The following PCDHGB1 variants were observed in gnomAD, a reference collection of about 807,000 sequenced individuals.
PCDHGB1 encodes protocadherin gamma-B1.
PCDHGB1 carries 34 observed loss-of-function variants against 56.6 expected under a neutral mutation model. That is an observed-to-expected ratio of 0.60 (90% CI 0.46 to 0.80). PCDHGB1 has a LOEUF of 0.80. PCDHGB1 is among the 30% of genes least tolerant of loss of function. PCDHGB1 has a pLI of 0.00. For synonymous variants in PCDHGB1, 561 were observed against 505.9 expected, an observed-to-expected ratio of 1.11 and a Z score of -1.46; for missense variants, 1,278 against 1,204.6, an observed-to-expected ratio of 1.06 and a Z score of -0.90.
chr5:141,372,798 A>T (rs900906773), intron 1 of PCDHGB1: 2 of 1,597,288 alleles, frequency 1.3e-6, no homozygotes, highest in Non-Finnish European at 1.7e-6. Flanking sequence ...TAATTCAGGC[A>T]ATTTGCAAAA....
At chr5:141,441,725 C>T (rs2098268012) in intron 1 of PCDHGB1, 3 of 352,332 alleles carry the variant, frequency 8.5e-6, no homozygotes. Flanking sequence ...AGGCCCGCGA[C>T]CAGGACTAGC....
intron 1 of PCDHGB1, chr5:141,419,864 C>A (rs1282571542): frequency 6.2e-7 from 1 of 1,613,966 alleles, no homozygotes; most frequent in Non-Finnish European, 8.5e-7. Context: ...AGATAGCTTG[C>A]AAGAGGTACT....
intron 1 of PCDHGB1, chr5:141,389,146 C>A (rs567517174): frequency 3.7e-6 from 6 of 1,614,000 alleles, no homozygotes; most frequent in South Asian, 3.3e-5. Flanking sequence ...ATAACCGTTA[C>A]GGCAACAGAT....
In PCDHGB1 at chr5:141,361,444, A is replaced by G. The variant is rs750659023; in HGVS notation, c.2409+8775A>G. 4.3e-6 allele frequency: 7 copies of G among 1,613,988 alleles called. No individual in the cohort carries two copies. The Admixed American group carries it at 1.0e-4, about 23-fold the overall frequency. ...CAAGCCGCCCCTCTCCTCCAGCATA[A>G]TTGTCACCCTGCACATCTCCGACGT... On this transcript the variant is annotated intron_variant, in intron 1 of 3. Transcript: ENST00000523390.
chr5:141,355,169 C>A (rs753158485), intron 1 of PCDHGB1: 1 of 1,568,854 alleles, frequency 6.4e-7, no homozygotes, highest in Non-Finnish European at 8.6e-7. Flanking sequence ...GAGGGAAAAC[C>A]GAAGCACAGG....
At chr5:141,422,898 C>CTCTG (rs747261683) in intron 1 of PCDHGB1, 4 of 1,614,250 alleles carry the variant, frequency 2.5e-6, no homozygotes, top group Non-Finnish European at 3.4e-6. Flanking sequence ...TGGACCAGAA[C>CTCTG]GACAATGCGC....
chr5:141,495,973 A>T, intron 2 of PCDHGB1, among the ~76,000 whole-genome samples: 1 of 146,986 alleles, frequency 6.8e-6, no homozygotes, highest in Admixed American at 6.8e-5. Flanking sequence ...TTTCTCTGTT[A>T]CTCTTTCTTT....
rs201022484 is a variant in PCDHGB1, at chr5:141,376,043, C to T, written c.2409+23374C>T. On this transcript the variant is annotated intron_variant, in intron 1 of 3. Coordinates refer to ENST00000523390, the MANE Select transcript of PCDHGB1 (RefSeq NM_018922.3). ...CGTCCAGGACCACGGCCAGCCCCCTCTCTCCGCCACTGTCACGCTCACCGT... is the reference window on the plus strand; with the variant it reads ...CGTCCAGGACCACGGCCAGCCCCCTTTCTCCGCCACTGTCACGCTCACCGT... 7.1e-4 allele frequency: 1,140 copies of T among 1,613,172 alleles called. 2 individuals carry two copies. Among genetic ancestry groups the T allele is most frequent in the Non-Finnish European group, 8.8e-4 (1,041 of 1,179,846 alleles).
intron 1 of PCDHGB1, chr5:141,404,984 C>T (rs779919758): frequency 6.2e-7 from 1 of 1,614,034 alleles, no homozygotes; most frequent in African/African-American, 1.3e-5. Context: ...CCTGGGCAGT[C>T]TTCAGATCCC....
At position 141,485,939 on chromosome 5, in the gene PCDHGB1, C is replaced by A; in HGVS notation, c.2410-8868C>A. ...CAGGATTAGTGTGTTGGAGAGCGCA[C>A]CAGCGGGCATGGTGCTCATCCAGCT... On this transcript the variant is annotated intron_variant, in intron 1 of 3. Transcript: ENST00000523390. This position sits in a 1 kb window ranked among gnomAD's most constrained non-coding sequence, Gnocchi z 5.7. 1 of 1,614,140 alleles carries A rather than the reference C, an allele frequency of 6.2e-7. No homozygotes were observed. The highest frequency in any genetic ancestry group is 8.5e-7 in the Non-Finnish European group (1 of 1,180,030).
intron 1 of PCDHGB1, chr5:141,391,390 C>G (rs1268177633): frequency 6.6e-6 from 1 of 151,476 alleles, no homozygotes; most frequent in Non-Finnish European, 1.5e-5. Context: ...ATAGCTCCCT[C>G]CAGCCTCAAA....
At chr5:141,390,447 G>C (rs941574561) in intron 1 of PCDHGB1, 12 of 843,730 alleles carry the variant, frequency 1.4e-5, no homozygotes, top group Admixed American at 2.9e-5. Flanking sequence ...TACAAAGGAG[G>C]AGTAAAGTAG....
At position 141,505,489 on chromosome 5, in the gene PCDHGB1, G is replaced by A. The variant is rs759637750; in HGVS notation, c.2557+8G>A. On this transcript the variant is annotated splice_region_variant and intron_variant, in intron 3 of 3. Coordinates refer to ENST00000523390, the MANE Select transcript of PCDHGB1 (RefSeq NM_018922.3). ...TCTTGGCGTCCGCCAGTGGTAAGTG[G>A]TGTCAGTGTGTGTATGGAAGAGTGG... The A allele has an allele frequency of 6.2e-7, 1 of 1,614,218 alleles. No homozygotes were observed. The highest frequency in any genetic ancestry group is 1.7e-5 in the Admixed American group (1 of 60,032).
At chr5:141,505,305 C>T (rs1363643214) in intron 2 of PCDHGB1, 88 bp from the exon 3 acceptor site, 2 of 1,595,104 alleles carry the variant, frequency 1.3e-6, no homozygotes, top group Admixed American at 1.7e-5. Flanking sequence ...GGTTAGGGTA[C>T]TAGGTTTGGG....
Position 141,385,070 on chromosome 5 carries a change from T to C in PCDHGB1, c.2409+32401T>C, listed in dbSNP as rs766950021. 28 of 1,614,094 alleles carry C rather than the reference T, an allele frequency of 1.7e-5. No individual in the cohort carries two copies. In the South Asian group the frequency reaches 3.0e-4, roughly 17 times the overall value. ...CTGCGGCGCTGGCACAAGTCACGCC[T>C]GCTGCAGGCTTCAGAAGGTGGCTTG... On this transcript the variant is annotated intron_variant, in intron 1 of 3. Coordinates refer to ENST00000523390, the MANE Select transcript of PCDHGB1 (RefSeq NM_018922.3).
At chr5:141,404,063 G>A in intron 1 of PCDHGB1, 1 of 1,613,798 alleles carries the variant, frequency 6.2e-7, no homozygotes, top group Non-Finnish European at 8.5e-7. Context: ...TCTTTTCAAT[G>A]CTCATGACCG....
At chr5:141,498,248 G>A (rs1484987588) in intron 2 of PCDHGB1, among the ~76,000 whole-genome samples, 2 of 152,208 alleles carry the variant, frequency 1.3e-5, no homozygotes, top group Non-Finnish European at 2.9e-5. Flanking sequence ...CTTCAAAGCA[G>A]GGCTGGTGTT....
intron 1 of PCDHGB1, among the ~76,000 whole-genome samples, chr5:141,434,742 G>A (rs1177333213): frequency 6.6e-6 from 1 of 151,500 alleles, no homozygotes; most frequent in Non-Finnish European, 1.5e-5. Context: ...TGAAGGCTAT[G>A]AGACCCCTGA....
At chr5:141,414,148 G>C in intron 1 of PCDHGB1, 7 of 1,598,900 alleles carry the variant, frequency 4.4e-6, no homozygotes, top group Non-Finnish European at 6.0e-6. Flanking sequence ...AGAAATACAA[G>C]CAGAAGATGG....
Sources: gnomAD v4.1 joint callset for allele counts (sites outside exome capture counted in the v4.1 genomes callset) on GRCh38, gnomAD v4.1.1 for gene constraint, Gnocchi (gnomAD v3.1) non-coding constraint, MANE v1.5 for transcripts, NCBI Gene and HGNC (gene_info 2026-07-23, HGNC 2026-07-21) for gene names.